Variants in PDK1 observed in about 807,000 individuals in gnomAD.
PDK1 encodes the protein pyruvate dehydrogenase kinase 1, also known as [Pyruvate dehydrogenase (acetyl-transferring)] kinase isozyme 1, mitochondrial.
PDK1 carries 39 observed loss-of-function variants against 54.2 expected under a neutral mutation model. The observed-to-expected ratio is 0.72, with a 90% CI of 0.56 to 0.94. The LOEUF (loss-of-function observed/expected upper bound fraction) is 0.94, where lower values mean the gene tolerates loss of function less well. Among genes scored for constraint, PDK1 ranks in the 40% least tolerant of loss-of-function variants. PDK1 has a pLI of 0.00. For missense variants in PDK1, 552 were observed against 566.0 expected (o/e 0.98, Z 0.25); for synonymous variants, 221 against 207.1 (o/e 1.07, Z -0.58).
chr2:172,711,603 A>C, the PDK1 span, among the ~76,000 whole-genome samples: 1 of 152,078 alleles, frequency 6.6e-6, no homozygotes, highest in Non-Finnish European at 1.5e-5. Flanking sequence ...AGTGGCTTAC[A>C]CCTGTAATCC....
chr2:172,684,605 A>G, the PDK1 span, among the ~76,000 whole-genome samples: 2 of 152,150 alleles, frequency 1.3e-5, no homozygotes, highest in African/African-American at 2.4e-5. Flanking sequence ...ACTTTAATCA[A>G]GCTGGGATCA....
At chr2:172,621,554 AT>A in the PDK1 span, among the ~76,000 whole-genome samples, 2,964 of 146,976 alleles carry the variant, frequency 0.02, 86 homozygotes, top group African/African-American at 0.068. Flanking sequence ...TTATATATAT[AT>A]GTTTATATAT....
At chr2:172,574,316 T>C (rs185439349) in intron 8 of PDK1, among the ~76,000 whole-genome samples, 11 of 152,380 alleles carry the variant, frequency 7.2e-5, no homozygotes, top group African/African-American at 2.4e-4. Flanking sequence ...AAGTACTTAA[T>C]GCCTGTCTCA....
intron 5 of PDK1, 140 bp from the exon 6 acceptor site, chr2:172,566,716 G>T: frequency 5.9e-6 from 2 of 341,184 alleles, no homozygotes; most frequent in Admixed American, 4.8e-5. Flanking sequence ...AAAAAAAGCA[G>T]ACTTTCACCA....
At chr2:172,653,236 A>G in the PDK1 span, among the ~76,000 whole-genome samples, 2 of 152,308 alleles carry the variant, frequency 1.3e-5, no homozygotes, top group African/African-American at 2.4e-5. Context: ...TTCCCTATTT[A>G]ATAAATGGTG....
chr2:172,641,191 A>G, the PDK1 span, among the ~76,000 whole-genome samples: 1 of 146,834 alleles, frequency 6.8e-6, no homozygotes, highest in Non-Finnish European at 1.5e-5. Context: ...GTGTAGTGGC[A>G]TCATAACTCA....
At chr2:172,570,373 C>G (rs1455324001) in intron 7 of PDK1, among the ~76,000 whole-genome samples, 1 of 152,104 alleles carries the variant, frequency 6.6e-6, no homozygotes, top group African/African-American at 2.4e-5. Flanking sequence ...TTAAATAGTT[C>G]TAAAAATATA....
At chr2:172,688,797 A>AAT in the PDK1 span, among the ~76,000 whole-genome samples, 1 of 2,936 alleles carries the variant, frequency 3.4e-4, no homozygotes, top group Non-Finnish European at 7.5e-3. Context: ...CAGTGTGAAC[A>AAT]CTGTTGAATC....
chr2:172,562,944 T>C, intron 3 of PDK1: 1 of 676,394 alleles, frequency 1.5e-6, no homozygotes, highest in Middle Eastern at 2.9e-4. Context: ...ACACATGTTT[T>C]TTGGACTGTC....
At chr2:172,583,212 C>G (rs1180036738) in intron 8 of PDK1, among the ~76,000 whole-genome samples, 1 of 146,012 alleles carries the variant, frequency 6.8e-6, no homozygotes, top group East Asian at 2.0e-4. Flanking sequence ...CTTTATTCAT[C>G]TTACTAAAAT....
At chr2:172,670,576 T>G in the PDK1 span, among the ~76,000 whole-genome samples, 1 of 152,154 alleles carries the variant, frequency 6.6e-6, no homozygotes, top group Non-Finnish European at 1.5e-5. Context: ...TAGTGAACAT[T>G]TTTTTCCTCA....
chr2:172,564,075 C>T, intron 3 of PDK1: 1 of 472,266 alleles, frequency 2.1e-6, no homozygotes, highest in Non-Finnish European at 4.4e-6. Context: ...AACAGGCAGG[C>T]TTTATTGGCT....
the PDK1 span, among the ~76,000 whole-genome samples, chr2:172,642,786 C>CTCT: frequency 3.1e-5 from 2 of 64,466 alleles, no homozygotes; most frequent in African/African-American, 9.3e-5. Context: ...CTCCTCCTCC[C>CTCT]ACTCCTCCTC....
At chr2:172,576,947 A>G (rs879541799) in intron 8 of PDK1, among the ~76,000 whole-genome samples, 1 of 152,156 alleles carries the variant, frequency 6.6e-6, no homozygotes, top group African/African-American at 2.4e-5. Context: ...TGAATGTTCT[A>G]CAGATAGCTA....
chr2:172,568,283 G>C (rs908774092), intron 6 of PDK1, among the ~76,000 whole-genome samples: 2 of 139,970 alleles, frequency 1.4e-5, no homozygotes, highest in South Asian at 2.2e-4. Context: ...AGCCAAGATC[G>C]CGCCACTGCA....
the PDK1 span, among the ~76,000 whole-genome samples, chr2:172,698,718 T>G: frequency 6.6e-6 from 1 of 152,164 alleles, no homozygotes; most frequent in Non-Finnish European, 1.5e-5. Flanking sequence ...GGAACCACAC[T>G]GAGAACTACT....
chr2:172,621,692 T>C, the PDK1 span, among the ~76,000 whole-genome samples: 3 of 146,532 alleles, frequency 2.0e-5, no homozygotes, highest in Admixed American at 6.9e-5. Context: ...TTATATATCA[T>C]ATATATGTTT....
At chr2:172,583,529 A>T (rs1168449418) in intron 8 of PDK1, among the ~76,000 whole-genome samples, 1 of 151,702 alleles carries the variant, frequency 6.6e-6, no homozygotes. Flanking sequence ...GCTGACCTCA[A>T]GTGATTCGCC....
chr2:172,695,350 C>G, the PDK1 span, among the ~76,000 whole-genome samples: 2,813 of 152,228 alleles, frequency 0.018, 85 homozygotes, highest in African/African-American at 0.064. Flanking sequence ...TGTTGAGGAC[C>G]TACTCCACAC....
Sources: allele counts gnomAD v4.1 joint callset (sites outside exome capture counted in the v4.1 genomes callset), GRCh38; gene constraint gnomAD v4.1.1; transcripts MANE v1.5; gene names NCBI Gene and HGNC (gene_info 2026-07-23, HGNC 2026-07-21).